NELL1: variants seen among roughly 807,000 people sequenced by gnomAD.
NELL1 encodes protein kinase C-binding protein NELL1.
A neutral mutation model predicts 107.4 loss-of-function variants in NELL1; 76 were observed. The ratio of observed to expected loss-of-function variants is 0.71; its 90% CI spans 0.59 to 0.86. NELL1 has a LOEUF of 0.86. Ranked by LOEUF, NELL1 falls within the 40% of genes least tolerant of loss-of-function variation. The pLI, the probability that NELL1 is intolerant of heterozygous loss-of-function variation, is 0.00. For missense variants in NELL1, 1,024 were observed against 1,005.5 expected (o/e 1.02, Z -0.25); for synonymous variants, 353 against 341.2 (o/e 1.03, Z -0.38).
At chr11:20,707,248 A>T (rs1854988910) in intron 2 of NELL1, among the ~76,000 whole-genome samples, 1 of 152,114 alleles carries the variant, frequency 6.6e-6, no homozygotes, top group South Asian at 2.1e-4. Flanking sequence ...TGTTTATTTT[A>T]GTTAGCCATT....
intron 12 of NELL1, among the ~76,000 whole-genome samples, chr11:21,082,100 A>G (rs1040568471): frequency 1.3e-5 from 2 of 152,140 alleles, no homozygotes; most frequent in Non-Finnish European, 2.9e-5. Flanking sequence ...CTTGAAAATT[A>G]CAGCTGAATT....
Position 21,249,778 on chromosome 11 carries a change from C to T in NELL1, c.1549+20324C>T, listed in dbSNP as rs190891291. On this transcript the variant is annotated intron_variant, in intron 14 of 19. Coordinates refer to ENST00000357134, the MANE Select transcript of NELL1 (RefSeq NM_006157.5). ...ACATGAGAGGAAATAGGAATCATCA[C>T]AGTAGAGGCCCAATTTTAATCATAA... 3.2e-3 allele frequency among the ~76,000 whole-genome samples: 483 copies of T among 152,238 alleles called. 2 individuals are homozygous for T. Among genetic ancestry groups the T allele is most frequent in the African/African-American group, 0.011 (451 of 41,550 alleles).
At chr11:21,032,224 G>A (rs1852980102) in intron 12 of NELL1, among the ~76,000 whole-genome samples, 2 of 152,028 alleles carry the variant, frequency 1.3e-5, no homozygotes, top group Admixed American at 1.3e-4. Flanking sequence ...CCAGGAGTCT[G>A]TCATTCTCAG....
chr11:21,481,014 A>G (rs1057254256), intron 15 of NELL1, among the ~76,000 whole-genome samples: 2 of 152,164 alleles, frequency 1.3e-5, no homozygotes, highest in Non-Finnish European at 2.9e-5. Context: ...ACCTCAGTTT[A>G]TTCCTCAATA....
chr11:21,210,914 G>T (rs1301673620), intron 13 of NELL1, among the ~76,000 whole-genome samples: 1 of 152,014 alleles, frequency 6.6e-6, no homozygotes, highest in African/African-American at 2.4e-5. Flanking sequence ...TGATACCAAA[G>T]CTTTTTATCT....
At chr11:20,798,320 T>C (rs1857215168) in intron 3 of NELL1, among the ~76,000 whole-genome samples, 2 of 152,228 alleles carry the variant, frequency 1.3e-5, no homozygotes, top group East Asian at 3.8e-4. Context: ...AGCAATAGAA[T>C]ATAATACTTT....
chr11:20,972,245 A>G (rs1277111439), intron 12 of NELL1, among the ~76,000 whole-genome samples: 2 of 152,244 alleles, frequency 1.3e-5, no homozygotes, highest in Non-Finnish European at 2.9e-5. Context: ...AGGGGAATGA[A>G]AAGATTTAAG....
intron 12 of NELL1, among the ~76,000 whole-genome samples, chr11:21,013,644 A>T (rs950512600): frequency 3.3e-5 from 5 of 152,134 alleles, no homozygotes; most frequent in African/African-American, 1.2e-4. Flanking sequence ...AATTGTGAAG[A>T]TGTGTACAGA....
intron 15 of NELL1, among the ~76,000 whole-genome samples, chr11:21,518,279 A>C (rs571430237): frequency 6.6e-6 from 1 of 152,282 alleles, no homozygotes; most frequent in African/African-American, 2.4e-5. Context: ...AACATGAAAG[A>C]ATTTTTCTCT....
At chr11:21,503,990 C>T (rs4151057) in intron 15 of NELL1, 57 of 152,090 alleles carry the variant, frequency 3.7e-4, no homozygotes, top group African/African-American at 1.1e-3. Context: ...AGTGCTAGAT[C>T]CAGGAACTAT....
Position 21,510,476 on chromosome 11 carries a change from G to T in NELL1, c.1646-23898G>T, listed in dbSNP as rs561502357. 4.6e-5 allele frequency among the ~76,000 whole-genome samples: 7 copies of T among 152,256 alleles called. No homozygotes were observed. The South Asian group carries it at 1.4e-3, about 32-fold the overall frequency. On this transcript the variant is annotated intron_variant, in intron 15 of 19. Transcript: ENST00000357134. ...CTGGTATCAGTCTTTCCTCTCTCAT[G>T]CATTCTCCGGTTGGGCTGAAAAATA... is the stretch of plus-strand genomic sequence containing the variant.
At chr11:20,810,107 G>A (rs1405865699) in intron 3 of NELL1, among the ~76,000 whole-genome samples, 1 of 151,440 alleles carries the variant, frequency 6.6e-6, no homozygotes, top group Admixed American at 6.6e-5. Flanking sequence ...GTGATGTCAA[G>A]CTCTTTTTTT....
chr11:21,212,942 T>A (rs1857532660), intron 13 of NELL1, among the ~76,000 whole-genome samples: 1 of 152,166 alleles, frequency 6.6e-6, no homozygotes, highest in Non-Finnish European at 1.5e-5. Flanking sequence ...GAAGGCATAA[T>A]TTTCTATGTA....
intron 9 of NELL1, among the ~76,000 whole-genome samples, 162 bp downstream of exon 9, chr11:20,928,641 A>G (rs1850552250): frequency 6.6e-6 from 1 of 152,102 alleles, no homozygotes; most frequent in Non-Finnish European, 1.5e-5. Context: ...TATTTTAATC[A>G]CTTGCAATGT....
intron 7 of NELL1, among the ~76,000 whole-genome samples, chr11:20,919,931 C>T (rs1451685773): frequency 2.0e-5 from 3 of 152,036 alleles, no homozygotes; most frequent in African/African-American, 7.2e-5. Context: ...GAGGACCTGC[C>T]GTTTGCTGGG....
chr11:21,243,742 AT>A (rs761772508), intron 14 of NELL1, among the ~76,000 whole-genome samples: 58 of 152,172 alleles, frequency 3.8e-4, no homozygotes, highest in Non-Finnish European at 7.1e-4. Context: ...GGTTAGACAC[AT>A]CTCAGTTCAG....
intron 3 of NELL1, among the ~76,000 whole-genome samples, chr11:20,791,803 G>C (rs1003090354): frequency 6.8e-6 from 1 of 147,814 alleles, no homozygotes; most frequent in African/African-American, 2.5e-5. Flanking sequence ...TCCTAGTTTG[G>C]TTAGTGTTTC....
chr11:20,942,101 CATTT>C (rs1392684897), intron 10 of NELL1, among the ~76,000 whole-genome samples: 1 of 152,178 alleles, frequency 6.6e-6, no homozygotes, highest in Non-Finnish European at 1.5e-5. Flanking sequence ...AAGAATGAGG[CATTT>C]AGAGACTTTG....
At chr11:20,895,700 G>T (rs991429778) in intron 5 of NELL1, among the ~76,000 whole-genome samples, 13 of 151,772 alleles carry the variant, frequency 8.6e-5, no homozygotes, top group Non-Finnish European at 1.8e-4. Flanking sequence ...TAGAGACGGG[G>T]TTTCACTGTC....
Sources: gnomAD v4.1 joint callset for allele counts (sites outside exome capture counted in the v4.1 genomes callset) on GRCh38, gnomAD v4.1.1 for gene constraint, MANE v1.5 for transcripts, NCBI Gene and HGNC (gene_info 2026-07-23, HGNC 2026-07-21) for gene names.